The following ACBD5 variants were observed in gnomAD, a reference collection of about 807,000 sequenced individuals.
The protein encoded by ACBD5 is acyl-CoA binding domain containing 5.
Under a neutral mutation model 71.8 loss-of-function variants are expected in ACBD5, and 40 were observed. The ratio of observed to expected loss-of-function variants is 0.56; its 90% CI spans 0.43 to 0.72. The LOEUF is 0.72. Ranked by LOEUF, ACBD5 falls within the 30% of genes least tolerant of loss-of-function variation. The pLI is 0.00. For missense variants in ACBD5, 559 were observed against 644.5 expected (o/e 0.87, Z 1.44); for synonymous variants, 229 against 218.6 (o/e 1.05, Z -0.42).
chr10:27,201,099 G>A (rs2059882173), intron 12 of ACBD5, among the ~76,000 whole-genome samples: 8 of 152,268 alleles, frequency 5.3e-5, no homozygotes, highest in Admixed American at 5.2e-4. Flanking sequence ...GGAGTTTGAG[G>A]CTGCAATGAC....
chr10:27,187,877 CATT>C (rs1434851772), intron 13 of ACBD5, among the ~76,000 whole-genome samples: 1 of 152,118 alleles, frequency 6.6e-6, no homozygotes, highest in Non-Finnish European at 1.5e-5. Context: ...AAACATGCAA[CATT>C]ATCAGAAACA....
At chr10:27,201,320 T>C (rs534083282) in intron 12 of ACBD5, among the ~76,000 whole-genome samples, 212 of 152,326 alleles carry the variant, frequency 1.4e-3, no homozygotes, top group Middle Eastern at 3.4e-3. Flanking sequence ...GTTCAGGGCC[T>C]ATTTCTGAAC....
chr10:27,240,829 CA>C (rs2065412950), upstream of ACBD5: 1 of 1,319,866 alleles, frequency 7.6e-7, no homozygotes, highest in Non-Finnish European at 1.1e-6. The surrounding 1 kb of genome is among the most constrained non-coding windows in gnomAD (Gnocchi z 4.1). Flanking sequence ...AGCCCCGCCC[CA>C]GAGTCACCGG....
At chr10:27,186,482 T>C (rs1364230731) in intron 13 of ACBD5, 1 of 1,614,050 alleles carries the variant, frequency 6.2e-7, no homozygotes, top group East Asian at 2.2e-5. Flanking sequence ...ATACCTCCTA[T>C]TTTGAAGCCA....
chr10:27,197,935 T>C (rs788233), intron 12 of ACBD5, among the ~76,000 whole-genome samples: 151,704 of 152,342 alleles, frequency 1, 75,536 homozygotes, highest in Middle Eastern at 1. Context: ...CCAGCCATCC[T>C]GGCCAGTTTT....
intron 2 of ACBD5, among the ~76,000 whole-genome samples, chr10:27,238,677 T>C (rs1444756759): frequency 6.6e-6 from 1 of 152,194 alleles, no homozygotes. Flanking sequence ...AATGGAACAC[T>C]ATTTTGTGTA....
chr10:27,236,335 A>G (rs1350338638), intron 2 of ACBD5, among the ~76,000 whole-genome samples: 1 of 152,160 alleles, frequency 6.6e-6, no homozygotes, highest in Non-Finnish European at 1.5e-5. Context: ...ATTTAGAAAA[A>G]TAAGTTTAAA....
At chr10:27,214,087 T>C (rs2061383899) in intron 8 of ACBD5, among the ~76,000 whole-genome samples, 1 of 152,174 alleles carries the variant, frequency 6.6e-6, no homozygotes, top group Non-Finnish European at 1.5e-5. Context: ...CTTCAAATGG[T>C]CTCACTTATT....
chr10:27,229,010 C>T (rs1383293432), intron 4 of ACBD5, among the ~76,000 whole-genome samples: 1 of 148,680 alleles, frequency 6.7e-6, no homozygotes, highest in Non-Finnish European at 1.5e-5. Context: ...TTAGTAGAGA[C>T]GGGGTTTCGC....
Position 27,218,371 on chromosome 10 carries a change from T to C in ACBD5, c.626-188A>G, listed in dbSNP as rs7072412. On this transcript the variant is annotated intron_variant, in intron 6 of 12. Coordinates refer to ENST00000396271, the MANE Select transcript of ACBD5 (RefSeq NM_145698.5). ...CTATACGCTGAGAGCTCACCCAAAC[T>C]ATGTTGGCTTCAAAACTGTTTCAGT... Among the ~76,000 whole-genome samples, 10,597 of 152,216 alleles carry C rather than the reference T, an allele frequency of 0.07. 692 individuals carry two copies. Among genetic ancestry groups the C allele is most frequent in the African/African-American group, 0.17 (7,087 of 41,502 alleles).
At chr10:27,219,647 C>T in intron 6 of ACBD5, 76 bp downstream of exon 6, 2 of 1,579,250 alleles carry the variant, frequency 1.3e-6, no homozygotes, top group Admixed American at 1.7e-5. Context: ...TTCTACAATA[C>T]CAAATCAGCC....
downstream of ACBD5, among the ~76,000 whole-genome samples, chr10:27,192,513 A>G (rs1436224362): frequency 6.6e-6 from 1 of 152,186 alleles, no homozygotes; most frequent in African/African-American, 2.4e-5. Context: ...CAATGGGCAT[A>G]GCTGGGTGTT....
intron 2 of ACBD5, among the ~76,000 whole-genome samples, chr10:27,236,938 T>A (rs1035127171): frequency 3.4e-5 from 5 of 148,056 alleles, no homozygotes; most frequent in African/African-American, 1.2e-4. Flanking sequence ...AGAGATAAAC[T>A]GAGAACTAGT....
At chr10:27,239,682 C>G (rs552894004) in intron 2 of ACBD5, among the ~76,000 whole-genome samples, 1 of 152,264 alleles carries the variant, frequency 6.6e-6, no homozygotes, top group Non-Finnish European at 1.5e-5. Flanking sequence ...GTTTTCAAAA[C>G]GCTTAAGCTG....
At chr10:27,187,901 T>TA (rs1047526148) in intron 13 of ACBD5, among the ~76,000 whole-genome samples, 2 of 152,206 alleles carry the variant, frequency 1.3e-5, no homozygotes, top group Admixed American at 1.3e-4. Flanking sequence ...GATTGGTCCT[T>TA]AAAAAACAAA....
At chr10:27,191,098 A>G (rs2059058341), downstream of ACBD5, among the ~76,000 whole-genome samples, 1 of 152,222 alleles carries the variant, frequency 6.6e-6, no homozygotes, top group African/African-American at 2.4e-5. Context: ...AAACAGAGGC[A>G]CATCTATATA....
Position 27,223,422 on chromosome 10 carries a change from C to T in ACBD5, c.406G>A (p.Val136Ile), listed in dbSNP as rs750585065. ...CCTATGACACGCAGCAATTCTTCAA[C>T]TTTCTCAGTCATTGGCATAGTTTCA... ...IIETMPMTEK[V>I]EELLRVIGPF... is the part of the protein sequence containing the mutation. Residue 136 changes from valine to isoleucine, a missense_variant, in exon 5 of 13, where the codon GTT becomes ATT. Coordinates refer to ENST00000396271, the MANE Select transcript of ACBD5 (RefSeq NM_145698.5). 3 of 1,613,462 alleles carry T rather than the reference C, an allele frequency of 1.9e-6. No individual in the cohort carries two copies. Among genetic ancestry groups the T allele is most frequent in the Non-Finnish European group, 2.5e-6 (3 of 1,179,966 alleles).
intron 12 of ACBD5, among the ~76,000 whole-genome samples, chr10:27,199,003 G>A (rs2059641256): frequency 1.3e-5 from 2 of 151,858 alleles, no homozygotes; most frequent in Admixed American, 6.6e-5. Context: ...CAGCTACTTG[G>A]GAGGCTGAGG....
At chr10:27,187,281 C>G (rs2058822811) in intron 13 of ACBD5, among the ~76,000 whole-genome samples, 1 of 152,022 alleles carries the variant, frequency 6.6e-6, no homozygotes, top group African/African-American at 2.4e-5. Context: ...GCCTGGGCAA[C>G]AGAACAAGAC....
Sources: allele counts gnomAD v4.1 joint callset (sites outside exome capture counted in the v4.1 genomes callset), GRCh38; gene constraint gnomAD v4.1.1; non-coding constraint Gnocchi (gnomAD v3.1); transcripts MANE v1.5; gene names NCBI Gene and HGNC (gene_info 2026-07-23, HGNC 2026-07-21).